CELF2: variants seen among roughly 807,000 people sequenced by gnomAD.
CELF2 encodes the protein CUGBP Elav-like family member 2, also known as CUG triplet repeat RNA-binding protein 2.
A neutral mutation model predicts 62.6 loss-of-function variants in CELF2; 8 were observed. The ratio of observed to expected loss-of-function variants is 0.13; its 90% CI spans 0.07 to 0.23. The LOEUF (loss-of-function observed/expected upper bound fraction) is 0.23, where lower values mean the gene tolerates loss of function less well. CELF2 is among the 10% of genes least tolerant of loss of function. CELF2 has a pLI of 1.00. For synonymous variants in CELF2, 258 were observed against 250.0 expected (o/e 1.03, Z -0.30); for missense variants, 333 against 671.0 (o/e 0.50, Z 5.56).
rs1199913968 is a variant in CELF2, at chr10:11,280,882, TG to T, written c.841+5765del. Among the ~76,000 whole-genome samples the T allele has an allele frequency of 1.3e-5, 2 of 152,050 alleles. No homozygotes were observed. The highest frequency in any genetic ancestry group is 2.9e-5 in the Non-Finnish European group (2 of 67,994). On this transcript the variant is annotated intron_variant, in intron 8 of 12. Coordinates refer to ENST00000633077, the MANE Select transcript of CELF2 (RefSeq NM_001326342.2). The surrounding 1 kb of genome is among the most constrained non-coding windows in gnomAD (Gnocchi z 7.6). Reference sequence around the variant, plus strand: ...AGGGCTTCCTGGCGCCAGCCTCCACTGGGTCCTTCCCCATTGACACCTGTGC... The same window carrying T: ...AGGGCTTCCTGGCGCCAGCCTCCACTGGTCCTTCCCCATTGACACCTGTGC...
the CELF2 span, among the ~76,000 whole-genome samples, chr10:10,598,812 T>C: frequency 1.5e-5 from 2 of 133,988 alleles, no homozygotes; most frequent in Non-Finnish European, 3.1e-5. Flanking sequence ...CAGGCTGGAG[T>C]GCGGGATCTC....
intron 2 of CELF2, among the ~76,000 whole-genome samples, chr10:10,961,297 T>A (rs1426490086): frequency 6.6e-6 from 1 of 152,194 alleles, no homozygotes; most frequent in African/African-American, 2.4e-5. Flanking sequence ...GTATTTATAG[T>A]TTGTGATATT....
At chr10:10,634,878 G>A in the CELF2 span, among the ~76,000 whole-genome samples, 5 of 152,098 alleles carry the variant, frequency 3.3e-5, no homozygotes, top group Admixed American at 2.0e-4. Context: ...CCCCAGGATG[G>A]CCAGAAGTTC....
intron 1 of CELF2, among the ~76,000 whole-genome samples, chr10:10,878,052 TGCCTCTA>T (rs1591469887): frequency 1.3e-5 from 2 of 152,194 alleles, no homozygotes; most frequent in East Asian, 3.8e-4. Context: ...TGGACCTCCC[TGCCTCTA>T]CCAGAGCCTG....
chr10:10,779,850 A>G, the CELF2 span, among the ~76,000 whole-genome samples: 2 of 151,186 alleles, frequency 1.3e-5, no homozygotes, highest in African/African-American at 4.9e-5. Context: ...CATTGGCCTG[A>G]AAGCTATTAA....
At chr10:10,679,365 C>G in the CELF2 span, among the ~76,000 whole-genome samples, 2 of 152,202 alleles carry the variant, frequency 1.3e-5, no homozygotes, top group African/African-American at 4.8e-5. Context: ...TCTCGGCTCA[C>G]TGCAACCTCC....
At chr10:10,921,336 C>A (rs531862897) in intron 2 of CELF2, among the ~76,000 whole-genome samples, 14 of 151,854 alleles carry the variant, frequency 9.2e-5, no homozygotes, top group South Asian at 2.1e-4. Flanking sequence ...GTGGCACGAT[C>A]TCGGCTCACT....
At chr10:10,677,646 T>C in the CELF2 span, among the ~76,000 whole-genome samples, 1 of 152,206 alleles carries the variant, frequency 6.6e-6, no homozygotes, top group Non-Finnish European at 1.5e-5. Context: ...AAGCTCTCCT[T>C]GAAACCGCAT....
intron 1 of CELF2, among the ~76,000 whole-genome samples, chr10:11,162,434 C>G (rs145315926): frequency 0.013 from 2,006 of 152,200 alleles, 135 homozygotes; most frequent in Admixed American, 0.12. Flanking sequence ...GAACTTGATG[C>G]AAATCTTTGG....
intron 11 of CELF2, among the ~76,000 whole-genome samples, chr10:11,323,424 A>AAATAGTAAT (rs1555123561): frequency 7.1e-6 from 1 of 141,650 alleles, no homozygotes; most frequent in East Asian, 2.0e-4. Context: ...GGCAGAGCAA[A>AAATAGTAAT]AATAATAATA....
chr10:11,048,936 T>C (rs1014467713), intron 1 of CELF2, among the ~76,000 whole-genome samples: 1 of 152,156 alleles, frequency 6.6e-6, no homozygotes, highest in African/African-American at 2.4e-5. Flanking sequence ...AAACAGAAAT[T>C]AGGTGTTTTA....
chr10:10,531,848 T>C, the CELF2 span, among the ~76,000 whole-genome samples: 2 of 152,222 alleles, frequency 1.3e-5, no homozygotes, highest in African/African-American at 4.8e-5. Context: ...TAGTCAGCAC[T>C]CTGTGGTCCC....
At chr10:10,513,686 C>T in the CELF2 span, among the ~76,000 whole-genome samples, 2 of 152,230 alleles carry the variant, frequency 1.3e-5, no homozygotes, top group African/African-American at 2.4e-5. Context: ...TATCTTAAAT[C>T]TCTAAATTAT....
chr10:10,880,194 T>C (rs2061361823), intron 1 of CELF2, among the ~76,000 whole-genome samples: 2 of 152,206 alleles, frequency 1.3e-5, no homozygotes, highest in South Asian at 4.1e-4. Flanking sequence ...TGACAAAAGA[T>C]TGGTTCCTGC....
chr10:11,325,861 T>C lies in CELF2; in HGVS notation c.1320T>C (p.Ile440=). The part of the protein sequence containing the change: ...KEGPEGANLF[I]YHLPQEFGDQ... ...GTCCAGAGGGGGCAAACCTCTTTATTTACCACCTTCCACAGGAATTTGGAG... is the reference window on the plus strand; with the variant it reads ...GTCCAGAGGGGGCAAACCTCTTTATCTACCACCTTCCACAGGAATTTGGAG... The change falls in exon 12 of 13, where the codon ATT becomes ATC. Residue 440 remains isoleucine, a synonymous_variant. Coordinates refer to ENST00000633077, the MANE Select transcript of CELF2 (RefSeq NM_001326342.2). The C allele has an allele frequency of 6.2e-7, 1 of 1,614,018 alleles. No homozygotes were observed. The highest frequency in any genetic ancestry group is 8.5e-7 in the Non-Finnish European group (1 of 1,180,000).
chr10:11,333,215 G>C lies in CELF2; in HGVS notation c.*4162G>C, dbSNP rs577238888. 3.7e-3 allele frequency: 16 copies of C among 4,270 alleles called. No individual in the cohort carries two copies. The South Asian group carries it at 0.15, about 40-fold the overall frequency. The allele number at this position is 4,270 out of a possible 1,614,324, so 0.3% of individuals were successfully genotyped here. A position where few individuals can be genotyped will look rare whatever the true frequency, so the allele number is the denominator to read the frequency against. On this transcript the variant is annotated 3_prime_UTR_variant, in exon 13 of 13. Coordinates refer to ENST00000633077, the MANE Select transcript of CELF2 (RefSeq NM_001326342.2). ...AGTCACCAAGAGAGGACATGAGGGG[G>C]AAAGTCCTTTTTGCCCTTCTCCAAA... is the stretch of plus-strand genomic sequence containing the variant.
At chr10:11,231,008 A>G (rs2068447454) in intron 3 of CELF2, among the ~76,000 whole-genome samples, 1 of 152,220 alleles carries the variant, frequency 6.6e-6, no homozygotes, top group Non-Finnish European at 1.5e-5. Context: ...TTTTGCTGAC[A>G]AAGAAAATGT....
intron 2 of CELF2, chr10:10,922,575 G>A (rs2065023155): frequency 6.6e-6 from 1 of 152,230 alleles, no homozygotes; most frequent in Non-Finnish European, 1.5e-5. Context: ...ATACCAAGCA[G>A]CAACGCGTAT....
At chr10:10,495,175 G>A in the CELF2 span, among the ~76,000 whole-genome samples, 2 of 152,178 alleles carry the variant, frequency 1.3e-5, no homozygotes, top group Non-Finnish European at 2.9e-5. Context: ...CAGCTACTCG[G>A]GAGGCTGAGG....
Sources: allele counts gnomAD v4.1 joint callset (sites outside exome capture counted in the v4.1 genomes callset), GRCh38; gene constraint gnomAD v4.1.1; non-coding constraint Gnocchi (gnomAD v3.1); transcripts MANE v1.5; gene names NCBI Gene and HGNC (gene_info 2026-07-23, HGNC 2026-07-21).